Variants in ANAPC4 observed in about 807,000 individuals in gnomAD.
The protein encoded by ANAPC4 is anaphase promoting complex subunit 4, also known as anaphase-promoting complex subunit 4.
Under a neutral mutation model 119.8 loss-of-function variants are expected in ANAPC4, and 63 were observed. The observed-to-expected ratio is 0.53, with a 90% CI of 0.43 to 0.65. The LOEUF (loss-of-function observed/expected upper bound fraction) is 0.65, where lower values mean the gene tolerates loss of function less well. Ranked by LOEUF, ANAPC4 falls within the 30% of genes least tolerant of loss-of-function variation. The probability of loss-of-function intolerance (pLI) is 0.00; values close to 1 mark genes in which losing one functional copy is unlikely to be tolerated. For synonymous variants in ANAPC4, 283 were observed against 318.6 expected (o/e 0.89, Z 1.19); for missense variants, 716 against 945.1 (o/e 0.76, Z 3.18).
Position 25,407,239 on chromosome 4 carries a change from GA to G in ANAPC4, c.1420del (p.Arg474GlufsTer6). 6.2e-7 allele frequency: 1 copy of G among 1,608,268 alleles called. No individual in the cohort carries two copies. The highest frequency in any genetic ancestry group is 1.1e-5 in the South Asian group (1 of 90,184). ...YNRKGKYFNV[E>X]RVGQYLKDED... ...TCGAAAAGGAAAATACTTTAACGTT[GA>G]AAGAGTTGGTCAGGTATGGGCTTTG... On this transcript the variant is annotated frameshift_variant, in exon 20 of 29. Transcript: ENST00000315368. LOFTEE classifies it high-confidence loss of function.
At position 25,388,751 on chromosome 4, in the gene ANAPC4, A is replaced by G. The variant is rs773700623; in HGVS notation, c.470+8A>G. 4.4e-6 allele frequency: 7 copies of G among 1,608,852 alleles called. No individual in the cohort carries two copies. In the Admixed American group the frequency reaches 8.4e-5, roughly 19 times the overall value. ...CACCTCAAAAATATTTAGGTAAGAT[A>G]CGCCTTTTCTTGTTTTCAAGTAAGA... On this transcript the variant is annotated splice_region_variant and intron_variant, in intron 6 of 28. Transcript: ENST00000315368.
In ANAPC4 at chr4:25,396,760, C is replaced by A; in HGVS notation, c.1158C>A (p.Ile386=). The change falls in exon 15 of 29, where the codon ATC becomes ATA. Residue 386 remains isoleucine, a synonymous_variant. Coordinates refer to ENST00000315368, the MANE Select transcript of ANAPC4 (RefSeq NM_013367.3). ...CTCTTGGACTAGATGCTGCAGGAAT[C>A]GAAGGTAGTGATTTAATTTCTCAGT... ...YEPLGLDAAG[I]EEAITAVGSF... The A allele has an allele frequency of 5.0e-6, 8 of 1,612,590 alleles. No individual in the cohort carries two copies. Among genetic ancestry groups the A allele is most frequent in the Non-Finnish European group, 5.9e-6 (7 of 1,179,418 alleles).
At chr4:25,403,294 A>G (rs1470578218) in intron 17 of ANAPC4, among the ~76,000 whole-genome samples, 1 of 152,040 alleles carries the variant, frequency 6.6e-6, no homozygotes, top group Non-Finnish European at 1.5e-5. Flanking sequence ...ACTCATGATA[A>G]TCTAATACAT....
Position 25,414,691 on chromosome 4 carries a change from A to G in ANAPC4, c.1817A>G (p.Asp606Gly), listed in dbSNP as rs1577402815. 6.6e-7 allele frequency: 1 copy of G among 1,521,114 alleles called. No individual in the cohort carries two copies. Among genetic ancestry groups the G allele is most frequent in the Non-Finnish European group, 8.9e-7 (1 of 1,126,022 alleles). 94.2% of individuals were successfully genotyped at this position (1,521,114 alleles called of 1,614,324 possible). A position where few individuals can be genotyped will look rare whatever the true frequency, so the allele number is the denominator to read the frequency against. ...ATGTGCATCTTAAGGAGACATACTGATATTTCTCAGTAAGTATTAATCTGA... is the reference window on the plus strand; with the variant it reads ...ATGTGCATCTTAAGGAGACATACTGGTATTTCTCAGTAAGTATTAATCTGA... ...YKMCILRRHT[D>G]ISQSVSNGLI... The change falls in exon 25 of 29, where the codon GAT becomes GGT. Residue 606 changes from aspartate (D) to glycine (G), a missense_variant. By Grantham distance (94) the Asp-to-Gly change is moderately conservative. Transcript: ENST00000315368.
In ANAPC4 at chr4:25,377,280, C is replaced by T. The variant is rs985074756; in HGVS notation, c.-75C>T. On this transcript the variant is annotated 5_prime_UTR_variant, in exon 1 of 29. Transcript: ENST00000315368. ...GGGGCGGCCTGGAGGCTGTGGCGCG[C>T]GGCCGGCAGAGGGAGGGGAGAGGCC... 7.8e-5 allele frequency: 88 copies of T among 1,130,740 alleles called. No homozygotes were observed. The highest frequency in any genetic ancestry group is 1.0e-4 in the Non-Finnish European group (84 of 830,166). 70.0% of individuals were successfully genotyped at this position (1,130,740 alleles called of 1,614,324 possible).
At chr4:25,381,441 A>G (rs1280021370) in intron 3 of ANAPC4, among the ~76,000 whole-genome samples, 1 of 152,042 alleles carries the variant, frequency 6.6e-6, no homozygotes, top group Non-Finnish European at 1.5e-5. Context: ...CTCCTGAGTA[A>G]CTAAGACTAC....
chr4:25,399,361 A>C (rs972207872), intron 16 of ANAPC4, among the ~76,000 whole-genome samples: 2 of 152,092 alleles, frequency 1.3e-5, no homozygotes, highest in African/African-American at 4.8e-5. Flanking sequence ...GTGTCTCTTT[A>C]ATTTTGAGCA....
chr4:25,377,615 A>C, intron 2 of ANAPC4, 59 bp downstream of exon 2: 1 of 1,498,838 alleles, frequency 6.7e-7, no homozygotes, highest in Non-Finnish European at 8.9e-7. Context: ...GCCCAAGAAC[A>C]CCGAGCCCGA....
At chr4:25,389,667 C>T (rs759829718) in intron 7 of ANAPC4, among the ~76,000 whole-genome samples, 2 of 151,992 alleles carry the variant, frequency 1.3e-5, no homozygotes, top group East Asian at 1.9e-4. Context: ...TGTGGCCTTT[C>T]GTTTTATGAA....
chr4:25,380,418 T>C lies in ANAPC4; in HGVS notation c.174T>C (p.Phe58=), dbSNP rs2109107773. ...CAAGTTTTCATCGAGTTTGGAGTTT[T>C]CCACCAAATGAAAATACAGGAAAGG... ...RLASFHRVWS[F]PPNENTGKEV... is the part of the protein sequence containing the mutation. Residue 58 remains phenylalanine, a synonymous_variant, in exon 3 of 29, where the codon TTT becomes TTC. Coordinates refer to ENST00000315368, the MANE Select transcript of ANAPC4 (RefSeq NM_013367.3). 1 of 1,613,346 alleles carries C rather than the reference T, an allele frequency of 6.2e-7. No homozygotes were observed. The highest frequency in any genetic ancestry group is 1.1e-5 in the South Asian group (1 of 90,926).
chr4:25,407,708 A>G (rs957185615), intron 20 of ANAPC4, among the ~76,000 whole-genome samples: 3 of 152,136 alleles, frequency 2.0e-5, no homozygotes, highest in African/African-American at 7.2e-5. Flanking sequence ...TAAACATAAT[A>G]AAAAATTATT....
At chr4:25,399,007 T>G (rs1337799118) in intron 16 of ANAPC4, among the ~76,000 whole-genome samples, 1 of 151,564 alleles carries the variant, frequency 6.6e-6, no homozygotes, top group Non-Finnish European at 1.5e-5. Flanking sequence ...TTTGAAGTAA[T>G]TTTACATAAA....
chr4:25,378,446 T>C (rs1721531128), intron 2 of ANAPC4, among the ~76,000 whole-genome samples: 1 of 152,180 alleles, frequency 6.6e-6, no homozygotes, highest in South Asian at 2.1e-4. Context: ...GGGCCCTCCA[T>C]GAAATCTAGC....
chr4:25,393,100 A>G (rs762423578), intron 10 of ANAPC4, among the ~76,000 whole-genome samples: 12 of 152,214 alleles, frequency 7.9e-5, no homozygotes, highest in Admixed American at 7.9e-4. Context: ...GATTGTGGCC[A>G]TGTTTTTCAT....
intron 17 of ANAPC4, among the ~76,000 whole-genome samples, chr4:25,403,341 G>A (rs1288212356): frequency 6.6e-6 from 1 of 151,968 alleles, no homozygotes; most frequent in East Asian, 1.9e-4. Flanking sequence ...GTATAATTGG[G>A]ATATGTATCA....
chr4:25,406,907 A>G (rs1370665739), intron 19 of ANAPC4, 22 bp downstream of exon 19: 1 of 1,537,336 alleles, frequency 6.5e-7, no homozygotes, highest in Non-Finnish European at 8.8e-7. Context: ...ATATTTCTGT[A>G]ATGCAGTTTA....
chr4:25,378,466 TCC>T (rs1721532319), intron 2 of ANAPC4, among the ~76,000 whole-genome samples: 1 of 152,202 alleles, frequency 6.6e-6, no homozygotes, highest in Non-Finnish European at 1.5e-5. Context: ...CTAGTCTCCC[TCC>T]GCTGCCGGGA....
At chr4:25,406,939 G>A in intron 19 of ANAPC4, 54 bp downstream of exon 19, 1 of 1,329,168 alleles carries the variant, frequency 7.5e-7, no homozygotes, top group Non-Finnish European at 1.0e-6. Flanking sequence ...CAGTAAACCT[G>A]GATAATGACA....
chr4:25,395,038 G>C, intron 14 of ANAPC4, 133 bp downstream of exon 14: 1 of 655,028 alleles, frequency 1.5e-6, no homozygotes, highest in Non-Finnish European at 2.6e-6. Flanking sequence ...CATGGCATTT[G>C]AGAAGAATCT....
Sources: allele counts gnomAD v4.1 joint callset (sites outside exome capture counted in the v4.1 genomes callset), GRCh38; gene constraint gnomAD v4.1.1; transcripts MANE v1.5; gene names NCBI Gene and HGNC (gene_info 2026-07-23, HGNC 2026-07-21).